The following YTHDF2 variants were observed in gnomAD, a reference collection of about 807,000 sequenced individuals.
YTHDF2 encodes the protein YTH domain-containing family protein 2.
YTHDF2 carries 2 observed loss-of-function variants against 50.4 expected under a neutral mutation model. The observed-to-expected ratio is 0.04, with a 90% CI of 0.02 to 0.12. YTHDF2 has a LOEUF of 0.12. Ranked by LOEUF, YTHDF2 falls within the 10% of genes least tolerant of loss-of-function variation. The pLI, the probability that YTHDF2 is intolerant of heterozygous loss-of-function variation, is 1.00. For synonymous variants in YTHDF2, 217 were observed against 255.6 expected (o/e 0.85, Z 1.44); for missense variants, 483 against 722.6 (o/e 0.67, Z 3.80).
intron 2 of YTHDF2, chr1:28,737,939 C>CT: frequency 1.7e-6 from 1 of 580,592 alleles, no homozygotes; most frequent in South Asian, 2.1e-5. Flanking sequence ...TCCTGTAGGT[C>CT]TTAGAAGGCC....
rs750047986 is a variant in YTHDF2 at position 28,742,389 on chromosome 1, T to C, written c.133-14T>C. 1.9e-5 allele frequency: 29 copies of C among 1,528,376 alleles called. No individual in the cohort carries two copies. Among genetic ancestry groups the C allele is most frequent in the Non-Finnish European group, 2.5e-5 (28 of 1,140,836 alleles). The allele number at this position is 1,528,376 out of a possible 1,614,324, so 94.7% of individuals were successfully genotyped here. Reference sequence around the variant, plus strand: ...TTTTTTGTGTTTTGATTTGCCTTTTTTTTTCTTCCACAGAATAATGCATAT... The same window carrying C: ...TTTTTTGTGTTTTGATTTGCCTTTTCTTTTCTTCCACAGAATAATGCATAT... On this transcript the variant is annotated splice_polypyrimidine_tract_variant and intron_variant, in intron 3 of 4. Transcript: ENST00000373812.
intron 4 of YTHDF2, among the ~76,000 whole-genome samples, chr1:28,760,691 C>T (rs2088109892): frequency 1.3e-5 from 2 of 152,124 alleles, no homozygotes; most frequent in East Asian, 1.9e-4. Context: ...AACGATTCTC[C>T]TCCCTCAGCC....
intron 4 of YTHDF2, among the ~76,000 whole-genome samples, chr1:28,764,325 A>G (rs2088185116): frequency 6.6e-6 from 1 of 151,038 alleles, no homozygotes. Flanking sequence ...AGGCTGGAGT[A>G]CAGTGGCGCG....
At chr1:28,739,479 T>C (rs1034662737) in intron 3 of YTHDF2, among the ~76,000 whole-genome samples, 2 of 151,608 alleles carry the variant, frequency 1.3e-5, no homozygotes, top group African/African-American at 4.9e-5. Context: ...TTAATTTTTT[T>C]GTAGAGATGG....
At chr1:28,758,850 T>G (rs1299219008) in intron 4 of YTHDF2, among the ~76,000 whole-genome samples, 2 of 152,182 alleles carry the variant, frequency 1.3e-5, no homozygotes, top group African/African-American at 4.8e-5. Flanking sequence ...ACGGTGGACC[T>G]GGACGTGAGA....
chr1:28,762,324 G>A (rs1002249762), intron 4 of YTHDF2, among the ~76,000 whole-genome samples: 4 of 152,202 alleles, frequency 2.6e-5, no homozygotes, highest in Admixed American at 6.5e-5. Flanking sequence ...CCCGGGAGGT[G>A]GAGCTTGCAG....
intron 4 of YTHDF2, among the ~76,000 whole-genome samples, chr1:28,753,111 G>A (rs977440226): frequency 2.0e-5 from 3 of 151,722 alleles, no homozygotes. Context: ...TAGCAAAGAA[G>A]TTGCTCAAAA....
At chr1:28,760,948 C>T (rs894032226) in intron 4 of YTHDF2, among the ~76,000 whole-genome samples, 12 of 151,954 alleles carry the variant, frequency 7.9e-5, no homozygotes, top group South Asian at 6.2e-4. Context: ...ACTTGCAGTG[C>T]GGTAGGTTTG....
At chr1:28,749,430 C>T (rs906631033) in intron 4 of YTHDF2, among the ~76,000 whole-genome samples, 6 of 152,060 alleles carry the variant, frequency 3.9e-5, no homozygotes, top group Admixed American at 1.3e-4. Flanking sequence ...TCTGCCCGCC[C>T]CGGCCTCCCA....
chr1:28,763,868 TTTG>T (rs1433506915), intron 4 of YTHDF2, among the ~76,000 whole-genome samples: 2 of 98,776 alleles, frequency 2.0e-5, no homozygotes, highest in African/African-American at 4.5e-5. Context: ...AGAACCAACT[TTTG>T]TTTTTTTTTT....
intron 4 of YTHDF2, among the ~76,000 whole-genome samples, chr1:28,753,745 C>A (rs903450538): frequency 6.8e-6 from 1 of 148,126 alleles, no homozygotes; most frequent in Non-Finnish European, 1.5e-5. Context: ...CTCGCTTTGT[C>A]CCCCAGGCTG....
At position 28,737,488 on chromosome 1, in the gene YTHDF2, T is replaced by A. The variant is rs890309286; in HGVS notation, c.28-170T>A. ...CGTTTTCTCCCCTGCCCCACGGGCC[T>A]GGCGCTTTCCCCCGCCTCCCATTTT... On this transcript the variant is annotated intron_variant, in intron 1 of 4. Coordinates refer to ENST00000373812, the MANE Select transcript of YTHDF2 (RefSeq NM_016258.3). 26 of 928,866 alleles carry A rather than the reference T, an allele frequency of 2.8e-5. No individual in the cohort carries two copies. In the African/African-American group the frequency reaches 4.1e-4, roughly 15 times the overall value. 57.5% of individuals were successfully genotyped at this position (928,866 alleles called of 1,614,324 possible).
intron 4 of YTHDF2, among the ~76,000 whole-genome samples, chr1:28,756,844 A>G (rs1347612721): frequency 1.3e-5 from 2 of 152,158 alleles, no homozygotes; most frequent in Non-Finnish European, 2.9e-5. Flanking sequence ...GACTGTTCTT[A>G]TAGTTCCTTA....
chr1:28,756,583 A>G (rs998644914), intron 4 of YTHDF2, among the ~76,000 whole-genome samples: 1 of 152,140 alleles, frequency 6.6e-6, no homozygotes, highest in African/African-American at 2.4e-5. Flanking sequence ...TTTGAAACAC[A>G]CTAGATGACA....
chr1:28,750,606 T>G (rs2087936183), intron 4 of YTHDF2, among the ~76,000 whole-genome samples: 1 of 152,188 alleles, frequency 6.6e-6, no homozygotes, highest in Non-Finnish European at 1.5e-5. Flanking sequence ...TTTCATAATT[T>G]CTGACCGAAG....
Position 28,764,295 on chromosome 1 carries a change from G to A in YTHDF2, c.1717-4634G>A, listed in dbSNP as rs1430994551. On this transcript the variant is annotated intron_variant, in intron 4 of 4. Coordinates refer to ENST00000373812, the MANE Select transcript of YTHDF2 (RefSeq NM_016258.3). Reference sequence around the variant, plus strand: ...ATTTTTATTTTTATTTTTTTGAGACGGAGTTTTGCTCTGTCACCCAGGCTG... The same window carrying A: ...ATTTTTATTTTTATTTTTTTGAGACAGAGTTTTGCTCTGTCACCCAGGCTG... Among the ~76,000 whole-genome samples the A allele has an allele frequency of 4.0e-5, 6 of 149,478 alleles. No individual in the cohort carries two copies. In the East Asian group the frequency reaches 7.9e-4, roughly 20 times the overall value.
intron 2 of YTHDF2, 142 bp downstream of exon 2, chr1:28,737,824 C>G: frequency 2.1e-6 from 2 of 958,376 alleles, no homozygotes; most frequent in Non-Finnish European, 3.1e-6. Context: ...TATTTTGACC[C>G]TTTCGGTGTG....
intron 3 of YTHDF2, among the ~76,000 whole-genome samples, chr1:28,741,193 T>A (rs1221170321): frequency 6.6e-6 from 1 of 151,994 alleles, no homozygotes; most frequent in Non-Finnish European, 1.5e-5. Context: ...AGACGGGCTT[T>A]CACCATGTTG....
intron 1 of YTHDF2, 115 bp from the exon 2 acceptor site, chr1:28,737,543 C>T: frequency 1.4e-6 from 2 of 1,405,306 alleles, no homozygotes; most frequent in South Asian, 2.5e-5. Flanking sequence ...ATTCCTGACG[C>T]CTCCCCTCGG....
Sources: gnomAD v4.1 joint callset for allele counts (sites outside exome capture counted in the v4.1 genomes callset) on GRCh38, gnomAD v4.1.1 for gene constraint, MANE v1.5 for transcripts, NCBI Gene and HGNC (gene_info 2026-07-23, HGNC 2026-07-21) for gene names.